NCALD: variants seen among roughly 807,000 people sequenced by gnomAD.
NCALD encodes neurocalcin delta, also known as neurocalcin-delta.
A neutral mutation model predicts 18.6 loss-of-function variants in NCALD; 10 were observed. That is an observed-to-expected ratio of 0.54 (90% CI 0.33 to 0.91). The LOEUF is 0.91. NCALD is among the 40% of genes least tolerant of loss of function. NCALD has a pLI of 0.03. For synonymous variants in NCALD, 88 were observed against 87.4 expected, an observed-to-expected ratio of 1.01 and a Z score of -0.04; for missense variants, 184 against 247.6, an observed-to-expected ratio of 0.74 and a Z score of 1.72.
At chr8:102,000,500 A>G (rs995720101) in intron 2 of NCALD, among the ~76,000 whole-genome samples, 33 of 152,212 alleles carry the variant, frequency 2.2e-4, no homozygotes, top group African/African-American at 7.7e-4. Context: ...GCAGACTTAA[A>G]TGTCCCTGTC....
At chr8:102,038,847 T>C (rs1282231611) in intron 1 of NCALD, among the ~76,000 whole-genome samples, 4 of 152,122 alleles carry the variant, frequency 2.6e-5, no homozygotes, top group Non-Finnish European at 5.9e-5. Context: ...TTAAATTATA[T>C]GGCAAATGGT....
At chr8:101,856,882 A>G (rs1226299058) in intron 4 of NCALD, among the ~76,000 whole-genome samples, 1 of 152,116 alleles carries the variant, frequency 6.6e-6, no homozygotes, top group African/African-American at 2.4e-5. Context: ...CTCCATTAGG[A>G]GCCATTCAGA....
chr8:101,878,334 G>T (rs1816317495), intron 4 of NCALD, among the ~76,000 whole-genome samples: 1 of 152,192 alleles, frequency 6.6e-6, no homozygotes, highest in Non-Finnish European at 1.5e-5. Flanking sequence ...AAATTACATT[G>T]GTAGATGCTA....
At chr8:102,105,126 A>G (rs1368650172) in intron 1 of NCALD, among the ~76,000 whole-genome samples, 1 of 152,178 alleles carries the variant, frequency 6.6e-6, no homozygotes, top group African/African-American at 2.4e-5. Flanking sequence ...TGCCTTTACA[A>G]TCACATGAAC....
chr8:101,831,314 T>C (rs1166153153), intron 4 of NCALD, among the ~76,000 whole-genome samples: 1 of 152,108 alleles, frequency 6.6e-6, no homozygotes. Flanking sequence ...CTATAAATCA[T>C]GAAAAGCCAT....
chr8:101,938,541 C>T (rs373817893), intron 2 of NCALD, among the ~76,000 whole-genome samples: 3 of 152,010 alleles, frequency 2.0e-5, no homozygotes, highest in Non-Finnish European at 2.9e-5. Flanking sequence ...TCACATATAT[C>T]GGGATAATAA....
chr8:101,789,859 A>G (rs553643569), intron 1 of NCALD, among the ~76,000 whole-genome samples: 1 of 152,350 alleles, frequency 6.6e-6, no homozygotes, highest in Admixed American at 6.5e-5. Context: ...ATCTGAAATT[A>G]CTAAACTTGG....
chr8:102,029,142 T>C (rs1412867440), intron 1 of NCALD: 2 of 152,038 alleles, frequency 1.3e-5, no homozygotes, highest in Non-Finnish European at 2.9e-5. Flanking sequence ...TAGAAGAAAC[T>C]GTGTGAGCAA....
intron 1 of NCALD, among the ~76,000 whole-genome samples, chr8:102,087,889 T>C (rs749254719): frequency 8.4e-6 from 1 of 119,612 alleles, no homozygotes; most frequent in Admixed American, 9.2e-5. Context: ...CACCCTGCCT[T>C]AAGCAATGCT....
chr8:101,688,986 T>C lies in NCALD; in HGVS notation c.*323A>G, dbSNP rs987486792. The C allele has an allele frequency of 1.9e-5, 13 of 679,846 alleles. No homozygotes were observed. The African/African-American group carries it at 2.2e-4, about 11-fold the overall frequency. 42.1% of individuals were successfully genotyped at this position (679,846 alleles called of 1,614,324 possible). A position where few individuals can be genotyped will look rare whatever the true frequency, so the allele number is the denominator to read the frequency against. On this transcript the variant is annotated 3_prime_UTR_variant, in exon 4 of 4. Coordinates refer to ENST00000220931, the MANE Select transcript of NCALD (RefSeq NM_032041.3). ...AATCACAGGACTGGATGGGTTTCCCTTCTTTTGCCCCAACCCCCGAGTCTT... is the reference window on the plus strand; with the variant it reads ...AATCACAGGACTGGATGGGTTTCCCCTCTTTTGCCCCAACCCCCGAGTCTT...
chr8:101,810,448 T>A (rs1813265304), intron 4 of NCALD, among the ~76,000 whole-genome samples: 1 of 152,214 alleles, frequency 6.6e-6, no homozygotes, highest in African/African-American at 2.4e-5. Context: ...CCCTAAGTTA[T>A]GCTTTCTAAA....
At chr8:101,872,767 T>C (rs1816072379) in intron 4 of NCALD, among the ~76,000 whole-genome samples, 1 of 152,208 alleles carries the variant, frequency 6.6e-6, no homozygotes, top group Non-Finnish European at 1.5e-5. Context: ...CTGGTAGCCT[T>C]AGATCCACCT....
chr8:102,115,466 A>G (rs1273041937), intron 1 of NCALD, among the ~76,000 whole-genome samples: 1 of 152,222 alleles, frequency 6.6e-6, no homozygotes, highest in Non-Finnish European at 1.5e-5. Context: ...AATGCGATCA[A>G]TGCAGACAAT....
intron 1 of NCALD, among the ~76,000 whole-genome samples, chr8:101,753,338 A>AATGTGAAT (rs1014591598): frequency 1.1e-4 from 16 of 152,200 alleles, no homozygotes; most frequent in African/African-American, 3.9e-4. Context: ...GACAAAGGCC[A>AATGTGAAT]ATGTGAATTT....
chr8:101,699,646 C>A (rs1335350622), intron 2 of NCALD, among the ~76,000 whole-genome samples: 2 of 152,144 alleles, frequency 1.3e-5, no homozygotes, highest in East Asian at 3.8e-4. Flanking sequence ...TCATCCTCAG[C>A]AAACTAACAC....
intron 1 of NCALD, among the ~76,000 whole-genome samples, chr8:102,045,940 G>A (rs1250339822): frequency 6.6e-6 from 1 of 152,092 alleles, no homozygotes; most frequent in African/African-American, 2.4e-5. Context: ...CCTATAATGT[G>A]GCAATCACTG....
At chr8:102,118,132 C>A (rs503342) in intron 1 of NCALD, among the ~76,000 whole-genome samples, 49,241 of 152,088 alleles carry the variant, frequency 0.32, 8,593 homozygotes, top group East Asian at 0.44. Flanking sequence ...CTAGTTTGGC[C>A]AATTGGGAGG....
At chr8:101,752,637 T>C (rs959762789) in intron 1 of NCALD, among the ~76,000 whole-genome samples, 9 of 152,228 alleles carry the variant, frequency 5.9e-5, no homozygotes, top group African/African-American at 2.2e-4. Flanking sequence ...TAAGCTTTAT[T>C]TTCACCAAGT....
intron 1 of NCALD, among the ~76,000 whole-genome samples, chr8:101,757,331 T>C (rs1487292975): frequency 1.3e-5 from 2 of 152,214 alleles, no homozygotes; most frequent in Non-Finnish European, 2.9e-5. Flanking sequence ...TGGCAAGCCA[T>C]GAGAATACTA....
Sources: gnomAD v4.1 joint callset for allele counts (sites outside exome capture counted in the v4.1 genomes callset) on GRCh38, gnomAD v4.1.1 for gene constraint, MANE v1.5 for transcripts, NCBI Gene and HGNC (gene_info 2026-07-23, HGNC 2026-07-21) for gene names.